The following CDKAL1 variants were observed in gnomAD, a reference collection of about 807,000 sequenced individuals.
CDKAL1 encodes the protein threonylcarbamoyladenosine tRNA methylthiotransferase.
Under a neutral mutation model 68.2 loss-of-function variants are expected in CDKAL1, and 32 were observed. The ratio of observed to expected loss-of-function variants is 0.47; its 90% confidence interval spans 0.35 to 0.63. CDKAL1 has a LOEUF of 0.63. CDKAL1 is among the 30% of genes least tolerant of loss of function. The pLI is 0.00. For missense variants in CDKAL1, 606 were observed against 696.7 expected (o/e 0.87, Z 1.47); for synonymous variants, 234 against 244.3 (o/e 0.96, Z 0.39).
chr6:20,603,768 ATTTTTTTTTTT>A (rs745786047), intron 4 of CDKAL1, among the ~76,000 whole-genome samples: 9 of 85,192 alleles, frequency 1.1e-4, no homozygotes, highest in South Asian at 1.0e-3. Context: ...CAGTTGCTAA[ATTTTTTTTTTT>A]TTTTTTTTTT....
chr6:20,549,034 G>A (rs1561917110), intron 4 of CDKAL1, among the ~76,000 whole-genome samples: 1 of 152,114 alleles, frequency 6.6e-6, no homozygotes, highest in Non-Finnish European at 1.5e-5. Context: ...TATCTAAACT[G>A]TAGATCGTAT....
At chr6:20,751,666 G>T (rs910810447) in intron 6 of CDKAL1, among the ~76,000 whole-genome samples, 3 of 152,144 alleles carry the variant, frequency 2.0e-5, no homozygotes, top group Non-Finnish European at 4.4e-5. Context: ...ATATTTTTGT[G>T]GATTTCTTTT....
In CDKAL1 at chr6:20,877,120, A is replaced by G. The variant is rs78716799; in HGVS notation, c.742+30942A>G. Among the ~76,000 whole-genome samples, 822 of 152,358 alleles carry G rather than the reference A, an allele frequency of 5.4e-3. 9 individuals are homozygous for G. Among genetic ancestry groups the G allele is most frequent in the African/African-American group, 0.019 (776 of 41,572 alleles). ...GACTGCTGTGAATACGGTGGAATCA[A>G]TAAGCATTTACATTGTGATGGGAAA... On this transcript the variant is annotated intron_variant, in intron 9 of 15. Coordinates refer to ENST00000274695, the MANE Select transcript of CDKAL1 (RefSeq NM_017774.3).
At chr6:21,023,467 T>A (rs1768791256) in intron 11 of CDKAL1, among the ~76,000 whole-genome samples, 1 of 152,224 alleles carries the variant, frequency 6.6e-6, no homozygotes, top group South Asian at 2.1e-4. Context: ...GTTCTTTCTG[T>A]AAATTAGTTT....
intron 15 of CDKAL1, among the ~76,000 whole-genome samples, chr6:21,206,678 G>A (rs1018918399): frequency 2.0e-5 from 3 of 152,148 alleles, no homozygotes; most frequent in Non-Finnish European, 2.9e-5. Flanking sequence ...GAAAGGATCT[G>A]GAGTCTGTCA....
chr6:20,680,788 C>T (rs964720590), intron 5 of CDKAL1, among the ~76,000 whole-genome samples: 3 of 152,148 alleles, frequency 2.0e-5, no homozygotes, highest in Non-Finnish European at 4.4e-5. Context: ...TGCCTTGAGT[C>T]TTAAGAAATA....
chr6:20,753,977 G>A (rs939628056), intron 6 of CDKAL1, among the ~76,000 whole-genome samples: 1 of 151,880 alleles, frequency 6.6e-6, no homozygotes, highest in African/African-American at 2.4e-5. Flanking sequence ...GTGTGTGTGT[G>A]TGTGTGTGTG....
intron 5 of CDKAL1, among the ~76,000 whole-genome samples, chr6:20,721,388 G>A (rs1365382399): frequency 6.6e-6 from 1 of 151,992 alleles, no homozygotes; most frequent in Non-Finnish European, 1.5e-5. Context: ...TGGTTCCAAG[G>A]CAAATGACAT....
chr6:20,693,207 G>C (rs928728118), intron 5 of CDKAL1, among the ~76,000 whole-genome samples: 1 of 150,546 alleles, frequency 6.6e-6, no homozygotes, highest in East Asian at 1.9e-4. Context: ...AGCTCTCTCT[G>C]TGGTGGGTGG....
intron 5 of CDKAL1, among the ~76,000 whole-genome samples, chr6:20,736,587 G>A (rs1023665504): frequency 1.3e-4 from 19 of 151,940 alleles, no homozygotes; most frequent in Admixed American, 1.0e-3. Flanking sequence ...TGGCTAACAC[G>A]GTGAAACCCC....
At chr6:20,681,009 A>G (rs1406059987) in intron 5 of CDKAL1, among the ~76,000 whole-genome samples, 1 of 152,218 alleles carries the variant, frequency 6.6e-6, no homozygotes, top group Non-Finnish European at 1.5e-5. Flanking sequence ...CCTTAAATGA[A>G]TAATCAGTAT....
rs547665995 is a variant in CDKAL1, at chr6:20,700,963, G to T, written c.372-38556G>T. Among the ~76,000 whole-genome samples, 9 of 151,446 alleles carry T rather than the reference G, an allele frequency of 5.9e-5. No individual in the cohort carries two copies. In the South Asian group the frequency reaches 1.7e-3, roughly 28 times the overall value. ...AACATTTTAATTTTTAGACTTAGGA[G>T]CATATCTGACTTTAGTGAAGAGGAA... is the stretch of plus-strand genomic sequence containing the variant. On this transcript the variant is annotated intron_variant, in intron 5 of 15. Coordinates refer to ENST00000274695, the MANE Select transcript of CDKAL1 (RefSeq NM_017774.3).
chr6:20,810,463 A>C (rs1776760069), intron 8 of CDKAL1, among the ~76,000 whole-genome samples: 1 of 142,228 alleles, frequency 7.0e-6, no homozygotes, highest in African/African-American at 2.6e-5. Flanking sequence ...CATGTTACGC[A>C]CCTGTTGCCT....
chr6:20,889,822 A>G (rs1761291981), intron 9 of CDKAL1, among the ~76,000 whole-genome samples: 2 of 152,190 alleles, frequency 1.3e-5, no homozygotes, highest in African/African-American at 2.4e-5. Context: ...TTTTTTGCTT[A>G]GGATTGTCTT....
At chr6:20,721,034 C>T (rs913774531) in intron 5 of CDKAL1, among the ~76,000 whole-genome samples, 7 of 152,172 alleles carry the variant, frequency 4.6e-5, no homozygotes, top group Non-Finnish European at 7.4e-5. Context: ...CATATGTATA[C>T]GTGTGCCATG....
intron 4 of CDKAL1, among the ~76,000 whole-genome samples, chr6:20,604,367 A>G (rs1436326405): frequency 6.6e-6 from 1 of 152,160 alleles, no homozygotes; most frequent in Non-Finnish European, 1.5e-5. Context: ...GGCACCATTC[A>G]CTGAGGAACC....
chr6:20,889,194 C>A (rs1246405132), intron 9 of CDKAL1, among the ~76,000 whole-genome samples: 7 of 151,892 alleles, frequency 4.6e-5, no homozygotes, highest in Non-Finnish European at 8.8e-5. Flanking sequence ...TGTTCATATC[C>A]TTTGCCCACT....
chr6:21,175,701 C>G (rs1251843807), intron 13 of CDKAL1, among the ~76,000 whole-genome samples: 2 of 152,154 alleles, frequency 1.3e-5, no homozygotes, highest in Non-Finnish European at 2.9e-5. Context: ...ATCTTAGCTG[C>G]ATAGTCTGTT....
intron 9 of CDKAL1, among the ~76,000 whole-genome samples, chr6:20,895,283 C>G (rs1192487134): frequency 6.6e-6 from 1 of 152,100 alleles, no homozygotes; most frequent in Non-Finnish European, 1.5e-5. Flanking sequence ...TGGGTTGTTT[C>G]CAATTACAAA....
Sources: gnomAD v4.1 joint callset for allele counts (sites outside exome capture counted in the v4.1 genomes callset) on GRCh38, gnomAD v4.1.1 for gene constraint, MANE v1.5 for transcripts, NCBI Gene and HGNC (gene_info 2026-07-23, HGNC 2026-07-21) for gene names.